Variants in BCAS3 observed in about 807,000 individuals in gnomAD.
The protein encoded by BCAS3 is BCAS3 microtubule associated cell migration factor, also known as BCAS4/BCAS3 fusion.
In BCAS3, 53 loss-of-function variants were observed where a neutral mutation model predicts 116.1. The ratio of observed to expected loss-of-function variants is 0.46; its 90% CI spans 0.37 to 0.57. The LOEUF (loss-of-function observed/expected upper bound fraction) is 0.57, where lower values mean the gene tolerates loss of function less well. BCAS3 is among the 20% of genes least tolerant of loss of function. BCAS3 has a pLI of 0.00. For missense variants in BCAS3, 917 were observed against 1,165.4 expected, an observed-to-expected ratio of 0.79 and a Z score of 3.10; for synonymous variants, 391 against 408.2, an observed-to-expected ratio of 0.96 and a Z score of 0.51.
At chr17:60,922,819 A>G (rs1365664949) in intron 12 of BCAS3, among the ~76,000 whole-genome samples, 1 of 152,242 alleles carries the variant, frequency 6.6e-6, no homozygotes, top group Non-Finnish European at 1.5e-5. Flanking sequence ...ATTTGGAAAT[A>G]AAACGCACTT....
At position 61,068,241 on chromosome 17, in the gene BCAS3, GT is replaced by G. The variant is rs1174447793; in HGVS notation, c.2030-6671del. 6.6e-6 allele frequency among the ~76,000 whole-genome samples: 1 copy of G among 151,922 alleles called. No homozygotes were observed. Among genetic ancestry groups the G allele is most frequent in the African/African-American group, 2.4e-5 (1 of 41,334 alleles). On this transcript the variant is annotated intron_variant, in intron 19 of 23. Transcript: ENST00000407086. This position sits in a 1 kb window ranked among gnomAD's most constrained non-coding sequence, Gnocchi z 4.3. ...TTTTTCTTTAAATAAACTCTATTAA[GT>G]TTTTTTTAGTACCTCCATTCGAAGA...
intron 22 of BCAS3, among the ~76,000 whole-genome samples, chr17:61,148,453 A>C (rs1238908123): frequency 6.6e-6 from 1 of 152,248 alleles, no homozygotes; most frequent in African/African-American, 2.4e-5. Context: ...GGGGTTATAC[A>C]GCAAATTACC....
At position 61,377,650 on chromosome 17, in the gene BCAS3, C is replaced by T. The variant is rs1049324300; in HGVS notation, c.2593+9156C>T. On this transcript the variant is annotated intron_variant, in intron 23 of 23. Transcript: ENST00000407086. The surrounding 1 kb of genome is among the most constrained non-coding windows in gnomAD (Gnocchi z 4.6). ...TAGTAAATGTAGTAATCGTTGGCCTCCTGTAACTCTGATGTCCTGGCTGCT... is the reference window on the plus strand; with the variant it reads ...TAGTAAATGTAGTAATCGTTGGCCTTCTGTAACTCTGATGTCCTGGCTGCT... Among the ~76,000 whole-genome samples, 1 of 152,274 alleles carries T rather than the reference C, an allele frequency of 6.6e-6. No homozygotes were observed.
rs1445396515 is a variant in BCAS3 at position 61,065,867 on chromosome 17, T to G, written c.2030-9053T>G. Among the ~76,000 whole-genome samples the G allele has an allele frequency of 1.3e-5, 2 of 152,352 alleles. No individual in the cohort carries two copies. Among genetic ancestry groups the G allele is most frequent in the East Asian group, 3.9e-4 (2 of 5,192 alleles). ...TTTCACTTATAAATCAGTGTGAGTT[T>G]TAAATTTATAATTAAACTTACAAAT... On this transcript the variant is annotated intron_variant, in intron 19 of 23. Coordinates refer to ENST00000407086, the MANE Select transcript of BCAS3 (RefSeq NM_017679.5). The surrounding 1 kb of genome is among the most constrained non-coding windows in gnomAD (Gnocchi z 4.8).
intron 11 of BCAS3, among the ~76,000 whole-genome samples, chr17:60,904,444 A>T (rs2058082314): frequency 6.6e-6 from 1 of 152,118 alleles, no homozygotes; most frequent in South Asian, 2.1e-4. Flanking sequence ...AACAAAAAAA[A>T]TGCAAACTCC....
Position 60,924,514 on chromosome 17 carries a change from C to G in BCAS3, c.1087+14C>G, listed in dbSNP as rs767798349. Reference sequence around the variant, plus strand: ...TTAATACAAGTGGTAAGTTCGCTCTCTGTCTTTTTTTTTTTTTTTTTTGTA... The same window carrying G: ...TTAATACAAGTGGTAAGTTCGCTCTGTGTCTTTTTTTTTTTTTTTTTTGTA... On this transcript the variant is annotated intron_variant, in intron 13 of 23. Coordinates refer to ENST00000407086, the MANE Select transcript of BCAS3 (RefSeq NM_017679.5). 2.8e-6 allele frequency: 4 copies of G among 1,406,842 alleles called. No individual in the cohort carries two copies. The East Asian group carries it at 9.7e-5, about 34-fold the overall frequency. The allele number at this position is 1,406,842 out of a possible 1,614,324, so 87.1% of individuals were successfully genotyped here.
rs189409299 is a variant in BCAS3 at position 61,048,713 on chromosome 17, T to C, written c.2029+7821T>C. Reference sequence around the variant, plus strand: ...AAACCCTCACCTAGAGTTTGTTGGATGGGATATCAGGGGAGATCTTCACAG... The same window carrying C: ...AAACCCTCACCTAGAGTTTGTTGGACGGGATATCAGGGGAGATCTTCACAG... On this transcript the variant is annotated intron_variant, in intron 19 of 23. Transcript: ENST00000407086. 1.7e-3 allele frequency among the ~76,000 whole-genome samples: 251 copies of C among 151,948 alleles called. 2 individuals are homozygous for C. Among genetic ancestry groups the C allele is most frequent in the African/African-American group, 5.2e-3 (217 of 41,488 alleles).
chr17:60,772,550 A>G (rs2144426363), intron 6 of BCAS3, among the ~76,000 whole-genome samples: 1 of 152,232 alleles, frequency 6.6e-6, no homozygotes, highest in South Asian at 2.1e-4. Flanking sequence ...TGCAGAAGCC[A>G]ATTAGATCCC....
chr17:60,889,545 A>G lies in BCAS3; in HGVS notation c.662-150A>G, dbSNP rs147471917. 28 of 647,620 alleles carry G rather than the reference A, an allele frequency of 4.3e-5. No homozygotes were observed. In the East Asian group the frequency reaches 7.3e-4, roughly 17 times the overall value. 40.1% of individuals were successfully genotyped at this position (647,620 alleles called of 1,614,324 possible). On this transcript the variant is annotated intron_variant, in intron 9 of 23. Coordinates refer to ENST00000407086, the MANE Select transcript of BCAS3 (RefSeq NM_017679.5). ...GGGAAAAATGCACCTTACTTAGCTA[A>G]CAAAATAATGACTAGTGTTACAGGA...
chr17:61,304,074 T>G (rs967572736), intron 22 of BCAS3, among the ~76,000 whole-genome samples: 2 of 152,358 alleles, frequency 1.3e-5, no homozygotes, highest in Non-Finnish European at 2.9e-5. Flanking sequence ...CTTCCTCACT[T>G]CACACACACC....
At chr17:60,855,556 G>A (rs994471106) in intron 7 of BCAS3, among the ~76,000 whole-genome samples, 7 of 149,766 alleles carry the variant, frequency 4.7e-5, no homozygotes, top group African/African-American at 9.9e-5. Context: ...CCAGGTTCAC[G>A]CCATTCTCCT....
chr17:60,752,919 A>G (rs2144295363), intron 6 of BCAS3, among the ~76,000 whole-genome samples: 1 of 152,258 alleles, frequency 6.6e-6, no homozygotes, highest in South Asian at 2.1e-4. Flanking sequence ...ATCCTAGCTC[A>G]CTGAAGCCTC....
intron 22 of BCAS3, among the ~76,000 whole-genome samples, chr17:61,163,675 C>A (rs1183022861): frequency 6.6e-6 from 1 of 151,826 alleles, no homozygotes; most frequent in African/African-American, 2.4e-5. Flanking sequence ...ACCCAAAAGT[C>A]AAACAAACAA....
chr17:60,717,232 G>A (rs896129996), intron 5 of BCAS3, among the ~76,000 whole-genome samples: 3 of 56,434 alleles, frequency 5.3e-5, no homozygotes, highest in African/African-American at 2.0e-4. Context: ...TTTTTTTTTT[G>A]TGAGACAGAG....
chr17:60,887,977 T>TTA (rs2056846988), intron 9 of BCAS3, among the ~76,000 whole-genome samples: 1 of 152,198 alleles, frequency 6.6e-6, no homozygotes, highest in Admixed American at 6.5e-5. Context: ...TGTAAACATG[T>TTA]TAGAATTAGG....
rs549656039 is a variant in BCAS3, at chr17:60,764,075, ATTCTTCTCTCTT to A, written c.403+16804_403+16815del. Among the ~76,000 whole-genome samples, 127 of 150,406 alleles carry A rather than the reference ATTCTTCTCTCTT, an allele frequency of 8.4e-4. 1 individual carries two copies. Among genetic ancestry groups the A allele is most frequent in the Middle Eastern group, 3.5e-3 (1 of 288 alleles). On this transcript the variant is annotated intron_variant, in intron 6 of 23. Coordinates refer to ENST00000407086, the MANE Select transcript of BCAS3 (RefSeq NM_017679.5). ...TATCATTTTTTATTGCGTCTATTTG[ATTCTTCTCTCTT>A]TTCTTCTTTATTAGTCTTGCTAGTC...
At chr17:61,234,833 A>G (rs1005226960) in intron 22 of BCAS3, among the ~76,000 whole-genome samples, 2 of 150,636 alleles carry the variant, frequency 1.3e-5, no homozygotes, top group Non-Finnish European at 1.5e-5. Context: ...TTTTCTCTCA[A>G]CTTCACATTT....
chr17:60,947,178 A>G (rs1347152112), intron 13 of BCAS3, 41 bp from the exon 14 acceptor site: 5 of 1,567,172 alleles, frequency 3.2e-6, no homozygotes, highest in African/African-American at 1.4e-5. Context: ...ATCCACATAC[A>G]TAATCATTTT....
Position 61,224,162 on chromosome 17 carries a change from T to C in BCAS3, c.2425+139598T>C, listed in dbSNP as rs572197868. Among the ~76,000 whole-genome samples the C allele has an allele frequency of 5.2e-4, 79 of 152,372 alleles. No individual in the cohort carries two copies. Among genetic ancestry groups the C allele is most frequent in the African/African-American group, 1.9e-3 (77 of 41,586 alleles). On this transcript the variant is annotated intron_variant, in intron 22 of 23. Coordinates refer to ENST00000407086, the MANE Select transcript of BCAS3 (RefSeq NM_017679.5). This position sits in a 1 kb window ranked among gnomAD's most constrained non-coding sequence, Gnocchi z 5.7. ...TGCTTTATCTTTATTATTTTCCCAT[T>C]GATTTATAAGAGAAATCTTTAAGCA...
Sources: allele counts gnomAD v4.1 joint callset (sites outside exome capture counted in the v4.1 genomes callset), GRCh38; gene constraint gnomAD v4.1.1; non-coding constraint Gnocchi (gnomAD v3.1); transcripts MANE v1.5; gene names NCBI Gene and HGNC (gene_info 2026-07-23, HGNC 2026-07-21).